C5orf63: variants seen among roughly 807,000 people sequenced by gnomAD.
The protein encoded by C5orf63 is chromosome 5 open reading frame 63.
Under a neutral mutation model 13.3 loss-of-function variants are expected in C5orf63, and 18 were observed. The ratio of observed to expected loss-of-function variants is 1.36; its 90% CI spans 0.94 to 2.01. The LOEUF is 2.01. Ranked by LOEUF, C5orf63 falls within the 30% of genes most tolerant of loss-of-function variation. The pLI, the probability that C5orf63 is intolerant of heterozygous loss-of-function variation, is 0.00. For synonymous variants in C5orf63, 38 were observed against 44.7 expected, an observed-to-expected ratio of 0.85 and a Z score of 0.60; for missense variants, 118 against 127.7, an observed-to-expected ratio of 0.92 and a Z score of 0.36.
In C5orf63 at chr5:127,051,742, G is replaced by C; in HGVS notation, c.*29C>G. 6.8e-7 allele frequency: 1 copy of C among 1,467,850 alleles called. No individual in the cohort carries two copies. Among genetic ancestry groups the C allele is most frequent in the Non-Finnish European group, 9.0e-7 (1 of 1,114,002 alleles). 90.9% of individuals were successfully genotyped at this position (1,467,850 alleles called of 1,614,324 possible). On this transcript the variant is annotated 3_prime_UTR_variant, in exon 5 of 5. Coordinates refer to ENST00000296662, the MANE Select transcript of C5orf63 (RefSeq NM_001164478.2). ...TCCTTAGGAAGATGCTTTATGGGAA[G>C]AGAGGGTGGAAAATCATGAGGGCAT...
At chr5:127,050,336 TTCTTTTC>T (rs1251401301), downstream of C5orf63, among the ~76,000 whole-genome samples, 1 of 152,062 alleles carries the variant, frequency 6.6e-6, no homozygotes, top group African/African-American at 2.4e-5. Flanking sequence ...TAAGATTTTG[TTCTTTTC>T]TCTTTTATTT....
intron 3 of C5orf63, among the ~76,000 whole-genome samples, chr5:127,054,588 A>AT (rs1269625165): frequency 1.2e-4 from 18 of 151,776 alleles, no homozygotes; most frequent in South Asian, 6.2e-4. Flanking sequence ...GGATTGTTTG[A>AT]TTTTTTCTTG....
chr5:127,051,908 A>T lies in C5orf63; in HGVS notation c.211T>A (p.Ser71Thr). Residue 71 changes from serine (S) to threonine (T), a missense_variant, in exon 5 of 5, where the codon TCT (serine) becomes ACT (threonine). By Grantham distance (58) the Ser-to-Thr change is moderately conservative. Transcript: ENST00000296662. ...AATTTATACCTTTCATACCAGACAG[A>T]GTTTTCTGGAAGTGTGATGTTCACC... is the stretch of plus-strand genomic sequence containing the variant. ...QEVNITLPEN[S>T]VWYERYKFDI... 1 of 1,526,888 alleles carries T rather than the reference A, an allele frequency of 6.5e-7. No individual in the cohort carries two copies. The highest frequency in any genetic ancestry group is 2.5e-5 in the East Asian group (1 of 40,774). The allele number at this position is 1,526,888 out of a possible 1,614,324, so 94.6% of individuals were successfully genotyped here.
chr5:127,068,473 C>G (rs531017351), intron 2 of C5orf63, among the ~76,000 whole-genome samples: 1 of 152,236 alleles, frequency 6.6e-6, no homozygotes, highest in African/African-American at 2.4e-5. Context: ...AGGCACTCAT[C>G]TTGCAACTGT....
chr5:127,049,857 G>T (rs746305635), downstream of C5orf63, among the ~76,000 whole-genome samples: 2 of 152,162 alleles, frequency 1.3e-5, no homozygotes, highest in Non-Finnish European at 2.9e-5. Context: ...TGTCGTTGGG[G>T]ATCCTCTTCT....
chr5:127,044,444 G>A (rs1191575782), downstream of C5orf63: 1 of 152,166 alleles, frequency 6.6e-6, no homozygotes, highest in African/African-American at 2.4e-5. Context: ...GAGAGAGGAG[G>A]TAAAATGCAA....
chr5:127,060,839 C>T (rs1436312896), intron 2 of C5orf63, among the ~76,000 whole-genome samples: 1 of 152,216 alleles, frequency 6.6e-6, no homozygotes, highest in African/African-American at 2.4e-5. Flanking sequence ...ACACTCCCCA[C>T]CCTCACATCT....
At position 127,052,610 on chromosome 5, in the gene C5orf63, T is replaced by C. The variant is rs537950236; in HGVS notation, c.171+3A>G. On this transcript the variant is annotated splice_donor_region_variant and intron_variant, in intron 4 of 4. Coordinates refer to ENST00000296662, the MANE Select transcript of C5orf63 (RefSeq NM_001164478.2). ...ACATAAAAGCCACACTGTATTATATTACCCTGTTTTCATAAGGCTTGAGTA... is the reference window on the plus strand; with the variant it reads ...ACATAAAAGCCACACTGTATTATATCACCCTGTTTTCATAAGGCTTGAGTA... The C allele has an allele frequency of 5.3e-6, 8 of 1,497,680 alleles. No homozygotes were observed. Among genetic ancestry groups the C allele is most frequent in the Non-Finnish European group, 7.1e-6 (8 of 1,132,266 alleles). 92.8% of individuals were successfully genotyped at this position (1,497,680 alleles called of 1,614,324 possible).
At chr5:127,060,637 C>A (rs1754067610) in intron 2 of C5orf63, among the ~76,000 whole-genome samples, 1 of 152,214 alleles carries the variant, frequency 6.6e-6, no homozygotes, top group African/African-American at 2.4e-5. Context: ...CTTTCCCCTC[C>A]CTTGCCTTGG....
chr5:127,055,469 C>G (rs1472619899), intron 3 of C5orf63, among the ~76,000 whole-genome samples: 2 of 152,054 alleles, frequency 1.3e-5, no homozygotes, highest in African/African-American at 4.8e-5. Context: ...TATATAAAAC[C>G]TTCTTTTTAA....
At position 127,063,158 on chromosome 5, in the gene C5orf63, C is replaced by A. The variant is rs373132285; in HGVS notation, c.-7-4156G>T. Among the ~76,000 whole-genome samples the A allele has an allele frequency of 9.1e-4, 138 of 152,296 alleles. 2 individuals are homozygous for A. In the South Asian group the frequency reaches 0.028, roughly 31 times the overall value. On this transcript the variant is annotated intron_variant, in intron 2 of 4. Transcript: ENST00000296662. Reference sequence around the variant, plus strand: ...CCCTGAAAGAGAAAGGGAATGCTGGCCTTTCAATAAAACTGAGGCTGATTT... The same window carrying A: ...CCCTGAAAGAGAAAGGGAATGCTGGACTTTCAATAAAACTGAGGCTGATTT...
chr5:127,070,552 T>G (rs1244772220), intron 2 of C5orf63, among the ~76,000 whole-genome samples: 1 of 152,214 alleles, frequency 6.6e-6, no homozygotes, highest in Non-Finnish European at 1.5e-5. Context: ...GTTAGTAAAG[T>G]AGAAAAGACA....
intron 3 of C5orf63, among the ~76,000 whole-genome samples, chr5:127,055,917 G>A (rs1324686465): frequency 6.6e-6 from 1 of 152,018 alleles, no homozygotes; most frequent in Non-Finnish European, 1.5e-5. Context: ...TATGAGGAAA[G>A]GCTCATCAAA....
At chr5:127,068,048 A>T (rs1462745743) in intron 2 of C5orf63, among the ~76,000 whole-genome samples, 1 of 152,130 alleles carries the variant, frequency 6.6e-6, no homozygotes, top group Non-Finnish European at 1.5e-5. Context: ...GATTTCATAA[A>T]CATAAAACCC....
chr5:127,062,833 G>C (rs1219376434), intron 2 of C5orf63, among the ~76,000 whole-genome samples: 1 of 152,100 alleles, frequency 6.6e-6, no homozygotes, highest in African/African-American at 2.4e-5. Flanking sequence ...GACTGTGAGA[G>C]GACAACACTT....
chr5:127,045,960 T>G (rs1753512363), exon 5 of C5orf63: 1 of 152,244 alleles, frequency 6.6e-6, no homozygotes, highest in African/African-American at 2.4e-5. Context: ...CACCACTCTC[T>G]CATTTTCCTT....
chr5:127,068,620 C>CTGCT (rs1424877880), intron 2 of C5orf63, among the ~76,000 whole-genome samples: 7 of 152,204 alleles, frequency 4.6e-5, no homozygotes, highest in Middle Eastern at 3.2e-3. Flanking sequence ...TCCAGAAACA[C>CTGCT]TGCTGTCTTT....
chr5:127,059,220 C>T (rs1268005243), intron 2 of C5orf63, among the ~76,000 whole-genome samples: 2 of 152,080 alleles, frequency 1.3e-5, no homozygotes, highest in Non-Finnish European at 2.9e-5. Flanking sequence ...AGAAAAAAAT[C>T]CCTTGTTATG....
chr5:127,067,727 T>A (rs1314327698), intron 2 of C5orf63, among the ~76,000 whole-genome samples: 1 of 152,124 alleles, frequency 6.6e-6, no homozygotes, highest in Non-Finnish European at 1.5e-5. Context: ...CAGGGAAAAA[T>A]TCAGTACCAT....
Sources: gnomAD v4.1 joint callset for allele counts (sites outside exome capture counted in the v4.1 genomes callset) on GRCh38, gnomAD v4.1.1 for gene constraint, MANE v1.5 for transcripts, NCBI Gene and HGNC (gene_info 2026-07-23, HGNC 2026-07-21) for gene names.